Variants in NTMT1 observed in about 807,000 individuals in gnomAD.
NTMT1 encodes N-terminal RCC1 methyltransferase.
In NTMT1, 8 loss-of-function variants were observed where a neutral mutation model predicts 17.5. The ratio of observed to expected loss-of-function variants is 0.46; its 90% CI spans 0.27 to 0.82. The LOEUF is 0.82. Ranked by LOEUF, NTMT1 falls within the 40% of genes least tolerant of loss-of-function variation. NTMT1 has a pLI of 0.15. For missense variants in NTMT1, 221 were observed against 303.5 expected (o/e 0.73, Z 2.02); for synonymous variants, 128 against 126.8 (o/e 1.01, Z -0.06).
intron 1 of NTMT1, among the ~76,000 whole-genome samples, chr9:129,629,218 C>T (rs1831027306): frequency 6.6e-6 from 1 of 152,054 alleles, no homozygotes; most frequent in Non-Finnish European, 1.5e-5. Context: ...CCGGTACCTG[C>T]TGGCAGAGGG....
In NTMT1 at chr9:129,634,254, C is replaced by T. The variant is rs901538265; in HGVS notation, c.363C>T (p.Asp121=). ...VRNYFCCGLQ[D]FTPEPDSYDV... ...ACTACTTCTGTTGTGGGCTCCAGGA[C>T]TTCACCCCGGAGCCGGACTCTTACG... The change falls in exon 3 of 4, where the codon GAC becomes GAT. Residue 121 remains aspartate, a synonymous_variant. Coordinates refer to ENST00000372483, the MANE Select transcript of NTMT1 (RefSeq NM_014064.4). 1 of 1,613,606 alleles carries T rather than the reference C, an allele frequency of 6.2e-7. No individual in the cohort carries two copies. The highest frequency in any genetic ancestry group is 1.3e-5 in the African/African-American group (1 of 74,920).
rs1021391230 is a variant in NTMT1 at position 129,620,965 on chromosome 9, T to C, written c.-54-11685T>C. Among the ~76,000 whole-genome samples, 1 of 152,242 alleles carries C rather than the reference T, an allele frequency of 6.6e-6. No individual in the cohort carries two copies. The highest frequency in any genetic ancestry group is 1.5e-5 in the Non-Finnish European group (1 of 68,042). The stretch of plus-strand genomic sequence containing the variant: ...GATTTAGTCCCAGCTCCACCACTTA[T>C]TAGCTTTGTAACCTTGGCCAAGCCA... On this transcript the variant is annotated intron_variant, in intron 1 of 3. Coordinates refer to the NTMT1 transcript ENST00000372486. This position sits in a 1 kb window ranked among gnomAD's most constrained non-coding sequence, Gnocchi z 5.8.
chr9:129,611,620 G>A (rs1160974755), intron 1 of NTMT1, among the ~76,000 whole-genome samples: 1 of 151,112 alleles, frequency 6.6e-6, no homozygotes, highest in Non-Finnish European at 1.5e-5. Flanking sequence ...GCTTGGTGGG[G>A]GAGGACAGAG....
chr9:129,627,680 G>A (rs78337653), intron 1 of NTMT1, among the ~76,000 whole-genome samples: 27,645 of 152,144 alleles, frequency 0.18, 2,962 homozygotes, highest in East Asian at 0.29. Context: ...GTTTTTAAAT[G>A]TATCCCCTGT....
chr9:129,617,980 G>A (rs1164382405), intron 1 of NTMT1, among the ~76,000 whole-genome samples: 1 of 152,198 alleles, frequency 6.6e-6, no homozygotes. Context: ...CACCATGCTT[G>A]GCCATGTGTT....
Position 129,634,080 on chromosome 9 carries a change from C to T in NTMT1, c.189C>T (p.Ser63=), listed in dbSNP as rs762798831. Residue 63 remains serine, a synonymous_variant, in exon 3 of 4, where the codon TCC becomes TCT. Coordinates refer to ENST00000372483, the MANE Select transcript of NTMT1 (RefSeq NM_014064.4). ...LREGPNKTGT[S]CALDCGAGIG... ...AAGGCCCGAACAAGACAGGAACGTC[C>T]TGTGCCCTGGACTGTGGAGCTGGCA... 6.2e-7 allele frequency: 1 copy of T among 1,614,050 alleles called. No homozygotes were observed.
rs1449859349 is a variant in NTMT1, at chr9:129,620,878, C to T, written c.-55+11700C>T. On this transcript the variant is annotated intron_variant, in intron 1 of 3. Coordinates refer to the NTMT1 transcript ENST00000372486. This position sits in a 1 kb window ranked among gnomAD's most constrained non-coding sequence, Gnocchi z 5.8. ...CAAGCTCGGTACAGTGCCAGGCACGCTGGCCAAGCTTACACATAGACTAGC... is the reference window on the plus strand; with the variant it reads ...CAAGCTCGGTACAGTGCCAGGCACGTTGGCCAAGCTTACACATAGACTAGC... 1 of 319,258 alleles carries T rather than the reference C, an allele frequency of 3.1e-6. No homozygotes were observed. The highest frequency in any genetic ancestry group is 5.7e-6 in the Non-Finnish European group (1 of 176,092). The allele number at this position is 319,258 out of a possible 1,614,324, so 19.8% of individuals were successfully genotyped here.
In NTMT1 at chr9:129,633,663, C is replaced by G. The variant is rs574386899; in HGVS notation, c.163-391C>G. 176 of 148,796 alleles carry G rather than the reference C, an allele frequency of 1.2e-3. 1 individual carries two copies. The highest frequency in any genetic ancestry group is 4.4e-3 in the African/African-American group (172 of 39,370). The allele number at this position is 148,796 out of a possible 1,614,324, so 9.2% of individuals were successfully genotyped here. A position where few individuals can be genotyped will look rare whatever the true frequency, so the allele number is the denominator to read the frequency against. ...CGAGGCCCCGTCTCTACAAAAAATA[C>G]AAAAAAAAAAAAATGAGTTGGGCAT... On this transcript the variant is annotated intron_variant, in intron 2 of 3. Coordinates refer to ENST00000372483, the MANE Select transcript of NTMT1 (RefSeq NM_014064.4).
At chr9:129,632,308 G>A (rs893300941) in intron 1 of NTMT1, among the ~76,000 whole-genome samples, 4 of 152,188 alleles carry the variant, frequency 2.6e-5, no homozygotes, top group African/African-American at 4.8e-5. Flanking sequence ...GCCAGGCATG[G>A]TGGCACACAA....
In NTMT1 at chr9:129,614,325, G is replaced by C. The variant is rs767463702; in HGVS notation, c.-55+5147G>C. Among the ~76,000 whole-genome samples the C allele has an allele frequency of 5.9e-5, 9 of 152,302 alleles. No individual in the cohort carries two copies. Among genetic ancestry groups the C allele is most frequent in the Non-Finnish European group, 1.2e-4 (8 of 68,030 alleles). On this transcript the variant is annotated intron_variant, in intron 1 of 3. Transcript: ENST00000372486. This position sits in a 1 kb window ranked among gnomAD's most constrained non-coding sequence, Gnocchi z 4.4. ...GCAAAAATCACAGCTTCTAACTCCA[G>C]CTTCCTGTCACGCTAAGGAGGCTGC...
chr9:129,613,127 G>T lies in NTMT1; in HGVS notation c.-55+3949G>T, dbSNP rs758988852. 13 of 1,613,780 alleles carry T rather than the reference G, an allele frequency of 8.1e-6. No homozygotes were observed. In the East Asian group the frequency reaches 2.9e-4, roughly 36 times the overall value. ...CCCACCTGCTCCAGGTTTCTGTGCG[G>T]GTCCAAGAAGGCTCGGAGGCTGCTT... On this transcript the variant is annotated intron_variant, in intron 1 of 3. Coordinates refer to the NTMT1 transcript ENST00000372486. The surrounding 1 kb of genome is among the most constrained non-coding windows in gnomAD (Gnocchi z 6.2).
upstream of NTMT1, among the ~76,000 whole-genome samples, chr9:129,622,839 G>A (rs976852574): frequency 6.6e-6 from 1 of 152,028 alleles, no homozygotes; most frequent in Non-Finnish European, 1.5e-5. Context: ...ATCAGCCTGG[G>A]CCACATGGTG....
chr9:129,612,524 A>T, intron 1 of NTMT1: 1 of 1,227,768 alleles, frequency 8.1e-7, no homozygotes. Flanking sequence ...TCCCAGTGGG[A>T]TTCTGTGCTG....
chr9:129,627,268 A>G (rs937171082), intron 1 of NTMT1, among the ~76,000 whole-genome samples: 4 of 152,088 alleles, frequency 2.6e-5, no homozygotes, highest in African/African-American at 7.2e-5. Context: ...TAGGCAGAGG[A>G]AGCTCACTCC....
At position 129,613,543 on chromosome 9, in the gene NTMT1, C is replaced by T. The variant is rs3213763; in HGVS notation, c.-55+4365C>T. ...CCGTTTTCCGACACTCCCAAACACC[C>T]GCTCGGACGCCACTGGCAGGGCGGC... On this transcript the variant is annotated intron_variant, in intron 1 of 3. Coordinates refer to the NTMT1 transcript ENST00000372486. The surrounding 1 kb of genome is among the most constrained non-coding windows in gnomAD (Gnocchi z 6.2). The T allele has an allele frequency of 4.8e-3, 7,806 of 1,614,178 alleles. 195 individuals carry two copies. The East Asian group carries it at 0.076, about 16-fold the overall frequency.
upstream of NTMT1, among the ~76,000 whole-genome samples, chr9:129,625,876 G>T (rs2118913703): frequency 6.6e-6 from 1 of 152,040 alleles, no homozygotes; most frequent in South Asian, 2.1e-4. Flanking sequence ...GCTGGGTGTG[G>T]TAGCTCACGC....
At chr9:129,623,678 C>T (rs1039935506), upstream of NTMT1, among the ~76,000 whole-genome samples, 6 of 152,094 alleles carry the variant, frequency 3.9e-5, no homozygotes, top group Non-Finnish European at 7.3e-5. Context: ...CAATGCTTCT[C>T]ACCAGGGATG....
intron 1 of NTMT1, among the ~76,000 whole-genome samples, chr9:129,631,776 G>A (rs979339587): frequency 1.3e-5 from 2 of 152,152 alleles, no homozygotes; most frequent in Non-Finnish European, 1.5e-5. Context: ...TTCAGCTTAC[G>A]CGTCCCCTCC....
At chr9:129,624,918 G>A (rs751555222), upstream of NTMT1, among the ~76,000 whole-genome samples, 1 of 152,138 alleles carries the variant, frequency 6.6e-6, no homozygotes, top group Non-Finnish European at 1.5e-5. Flanking sequence ...GTGCACCACC[G>A]TGCCCTGCCA....
Sources: gnomAD v4.1 joint callset for allele counts (sites outside exome capture counted in the v4.1 genomes callset) on GRCh38, gnomAD v4.1.1 for gene constraint, Gnocchi (gnomAD v3.1) non-coding constraint, MANE v1.5 for transcripts, NCBI Gene and HGNC (gene_info 2026-07-23, HGNC 2026-07-21) for gene names.